Variants in TIMELESS observed in about 807,000 individuals in gnomAD.
TIMELESS encodes the protein timeless circadian regulator, also known as protein timeless homolog.
In TIMELESS, 124 loss-of-function variants were observed where a neutral mutation model predicts 164.3. The observed-to-expected ratio is 0.75, with a 90% CI of 0.65 to 0.88. TIMELESS has a LOEUF of 0.88. Ranked by LOEUF, TIMELESS falls within the 40% of genes least tolerant of loss-of-function variation. The pLI is 0.00. For missense variants in TIMELESS, 1,422 were observed against 1,491.4 expected (o/e 0.95, Z 0.77); for synonymous variants, 564 against 563.4 (o/e 1.00, Z -0.02).
chr12:56,420,895 G>A lies in TIMELESS; in HGVS notation c.3041-14C>T, dbSNP rs538000533. Reference sequence around the variant, plus strand: ...GGATAGAAAAGCCTAAGGAAATGAGGGAAACTTACATTTGACCCTACTCCC... The same window carrying A: ...GGATAGAAAAGCCTAAGGAAATGAGAGAAACTTACATTTGACCCTACTCCC... On this transcript the variant is annotated splice_polypyrimidine_tract_variant and intron_variant, in intron 24 of 28. Transcript: ENST00000553532. 2.5e-6 allele frequency: 4 copies of A among 1,614,050 alleles called. No homozygotes were observed. The African/African-American group carries it at 4.0e-5, about 16-fold the overall frequency.
intron 20 of TIMELESS, 28 bp downstream of exon 20, chr12:56,422,078 A>G (rs747442501): frequency 1.9e-6 from 3 of 1,613,872 alleles, no homozygotes; most frequent in Admixed American, 1.7e-5. Context: ...CCCTCCTCAT[A>G]AACTCTCCAG....
chr12:56,438,831 C>G (rs1254583751), intron 1 of TIMELESS, among the ~76,000 whole-genome samples: 1 of 145,366 alleles, frequency 6.9e-6, no homozygotes, highest in Non-Finnish European at 1.5e-5. Flanking sequence ...CTGATACATG[C>G]CATGAAGTAG....
chr12:56,430,987 C>A lies in TIMELESS; in HGVS notation c.822-19G>T. ...AGAATGCCTGCAGAAACAAAAAGGT[C>A]CAAGGTGATTTTTCAGTTCTCTGGA... On this transcript the variant is annotated intron_variant, in intron 8 of 28. Transcript: ENST00000553532. 2 of 1,528,644 alleles carry A rather than the reference C, an allele frequency of 1.3e-6. No individual in the cohort carries two copies. The highest frequency in any genetic ancestry group is 1.8e-6 in the Non-Finnish European group (2 of 1,133,072). The allele number at this position is 1,528,644 out of a possible 1,614,324, so 94.7% of individuals were successfully genotyped here. A position where few individuals can be genotyped will look rare whatever the true frequency, so the allele number is the denominator to read the frequency against.
At chr12:56,422,819 A>AC in intron 19 of TIMELESS, 28 bp downstream of exon 19, 23 of 862,490 alleles carry the variant, frequency 2.7e-5, no homozygotes, top group Middle Eastern at 4.0e-4. Flanking sequence ...CCCTACCCCC[A>AC]CCCACCCTTT....
At chr12:56,444,661 C>T (rs562661998) in intron 1 of TIMELESS, among the ~76,000 whole-genome samples, 11 of 152,166 alleles carry the variant, frequency 7.2e-5, no homozygotes, top group East Asian at 5.8e-4. Context: ...ATCCTCCGAC[C>T]GCAGCCTCCC....
Position 56,422,997 on chromosome 12 carries a change from AG to A in TIMELESS, c.2293-6del, listed in dbSNP as rs770170607. The stretch of plus-strand genomic sequence containing the variant: ...TTTGGCAAAAGTCACTAGCTCCTGT[AG>A]GAGAAGGAGGTTACTATGAGGCCTC... On this transcript the variant is annotated splice_region_variant and splice_polypyrimidine_tract_variant and intron_variant, in intron 18 of 28. Transcript: ENST00000553532. The A allele has an allele frequency of 3.7e-6, 6 of 1,612,354 alleles. No homozygotes were observed. Among genetic ancestry groups the A allele is most frequent in the Non-Finnish European group, 5.1e-6 (6 of 1,179,200 alleles).
rs1171403050 is a variant in TIMELESS, at chr12:56,416,754, C to CT, written c.*961dup. On this transcript the variant is annotated 3_prime_UTR_variant, in exon 29 of 29. Coordinates refer to ENST00000553532, the MANE Select transcript of TIMELESS (RefSeq NM_003920.5). ...TTTTTCTTTTTTTTTGAGACAGAGT[C>CT]TTGCTCTGTCGCCCAGGCATATGCA... The CT allele has an allele frequency of 6.7e-6, 1 of 149,852 alleles. No individual in the cohort carries two copies. The allele number at this position is 149,852 out of a possible 1,614,324, so 9.3% of individuals were successfully genotyped here.
chr12:56,437,697 A>G (rs987840568), intron 1 of TIMELESS, among the ~76,000 whole-genome samples: 1 of 152,186 alleles, frequency 6.6e-6, no homozygotes, highest in Non-Finnish European at 1.5e-5. Context: ...CAAGGACCCC[A>G]TGGCCCGCAG....
chr12:56,434,357 C>T (rs558753447), intron 1 of TIMELESS, 126 bp from the exon 2 acceptor site: 1 of 591,604 alleles, frequency 1.7e-6, no homozygotes, highest in African/African-American at 1.9e-5. Context: ...TTTGTCACAA[C>T]CAAAAGTTCT....
intron 1 of TIMELESS, among the ~76,000 whole-genome samples, chr12:56,434,683 G>A (rs936484273): frequency 6.6e-6 from 1 of 152,210 alleles, no homozygotes; most frequent in African/African-American, 2.4e-5. Context: ...GTTGTGGTGA[G>A]CCAAGATCAT....
chr12:56,417,901 CCCTA>C lies in TIMELESS; in HGVS notation c.3556+2_3556+5del, dbSNP rs775594341. The stretch of plus-strand genomic sequence containing the variant: ...AAGAAAAAGAAGGTCCCATCAAATT[CCCTA>C]CCTCTGTTCCTGCCCTCATCTTCTT... On this transcript the variant is annotated splice_donor_variant and splice_donor_5th_base_variant and intron_variant, in intron 28 of 28. Coordinates refer to ENST00000553532, the MANE Select transcript of TIMELESS (RefSeq NM_003920.5). LOFTEE classifies it high-confidence loss of function. The C allele has an allele frequency of 3.2e-5, 52 of 1,614,052 alleles. No homozygotes were observed. The highest frequency in any genetic ancestry group is 4.4e-5 in the Non-Finnish European group (52 of 1,180,044).
In TIMELESS at chr12:56,422,021, C is replaced by T. The variant is rs762829656; in HGVS notation, c.2525-5G>A. 14 of 1,613,796 alleles carry T rather than the reference C, an allele frequency of 8.7e-6. No individual in the cohort carries two copies. The highest frequency in any genetic ancestry group is 6.7e-5 in the East Asian group (3 of 44,874). ...TGGCTTCCACCACATCCTGCCCTGG[C>T]GTGGGGAAGGACTAAGGCAGTAAAG... On this transcript the variant is annotated splice_region_variant and splice_polypyrimidine_tract_variant and intron_variant, in intron 20 of 28. Coordinates refer to ENST00000553532, the MANE Select transcript of TIMELESS (RefSeq NM_003920.5).
intron 1 of TIMELESS, among the ~76,000 whole-genome samples, chr12:56,435,859 T>C (rs1395641689): frequency 2.0e-5 from 3 of 150,458 alleles, no homozygotes; most frequent in Non-Finnish European, 4.4e-5. Context: ...CTCAGGAGGC[T>C]GAGGCAGGAG....
Position 56,423,447 on chromosome 12 carries a change from A to T in TIMELESS, c.2119T>A (p.Tyr707Asn). ...RFACSTVVRA[Y>N]VLLLRSYQQN... ...TGGTAGCTCCTTAGTAGCAGCACAT[A>T]GGCTCGAACGACAGTTGAACATGCA... is the stretch of plus-strand genomic sequence containing the variant. Residue 707 changes from tyrosine (Y) to asparagine (N), a missense_variant, in exon 18 of 29, where the codon TAT (tyrosine) becomes AAT (asparagine). Tyr to Asn is a moderately radical substitution (Grantham distance 143). Transcript: ENST00000553532. The T allele has an allele frequency of 6.2e-7, 1 of 1,614,150 alleles. No individual in the cohort carries two copies. Among genetic ancestry groups the T allele is most frequent in the Non-Finnish European group, 8.5e-7 (1 of 1,180,020 alleles).
intron 1 of TIMELESS, among the ~76,000 whole-genome samples, chr12:56,437,872 G>A (rs1056698409): frequency 1.3e-5 from 2 of 152,082 alleles, no homozygotes; most frequent in Admixed American, 6.6e-5. Context: ...GAGGCAGCAG[G>A]CAAGCACTAA....
chr12:56,423,226 GA>G (rs1881554656), intron 18 of TIMELESS, 47 bp downstream of exon 18: 1 of 1,591,900 alleles, frequency 6.3e-7, no homozygotes, highest in African/African-American at 1.3e-5. Context: ...TTATTTACCT[GA>G]GGGTTCCCAT....
intron 1 of TIMELESS, among the ~76,000 whole-genome samples, chr12:56,448,395 G>A (rs1433875848): frequency 1.3e-5 from 2 of 150,462 alleles, no homozygotes; most frequent in African/African-American, 4.9e-5. Flanking sequence ...GACAGAGCCA[G>A]ACTCCATCTC....
intron 14 of TIMELESS, 30 bp from the exon 15 acceptor site, chr12:56,424,943 G>C: frequency 6.2e-7 from 1 of 1,614,082 alleles, no homozygotes; most frequent in Non-Finnish European, 8.5e-7. Flanking sequence ...TGGGAGCGGA[G>C]GGAGTGGAAA....
At chr12:56,420,765 C>T in intron 25 of TIMELESS, 48 bp downstream of exon 25, 1 of 1,613,496 alleles carries the variant, frequency 6.2e-7, no homozygotes, top group Middle Eastern at 1.6e-4. Flanking sequence ...GGTAGGTCTC[C>T]AATAGCCTCC....
Sources: allele counts gnomAD v4.1 joint callset (sites outside exome capture counted in the v4.1 genomes callset), GRCh38; gene constraint gnomAD v4.1.1; transcripts MANE v1.5; gene names NCBI Gene and HGNC (gene_info 2026-07-23, HGNC 2026-07-21).